Variants in UNC13C observed in about 807,000 individuals in gnomAD.
The protein encoded by UNC13C is protein unc-13 homolog C.
A neutral mutation model predicts 245.4 loss-of-function variants in UNC13C; 174 were observed. The observed-to-expected ratio is 0.71, with a 90% CI of 0.63 to 0.80. UNC13C has a LOEUF of 0.80. UNC13C is among the 30% of genes least tolerant of loss of function. UNC13C has a pLI of 0.00. For synonymous variants in UNC13C, 992 were observed against 895.1 expected (o/e 1.11, Z -1.93); for missense variants, 2,829 against 2,602.9 (o/e 1.09, Z -1.89).
intron 19 of UNC13C, among the ~76,000 whole-genome samples, chr15:54,441,463 G>A (rs1440464762): frequency 6.6e-6 from 1 of 151,844 alleles, no homozygotes; most frequent in African/African-American, 2.4e-5. Flanking sequence ...ACCTTTGGAG[G>A]GAATCAGTAG....
chr15:54,372,249 T>TA (rs1389057835), intron 17 of UNC13C, among the ~76,000 whole-genome samples: 1 of 152,064 alleles, frequency 6.6e-6, no homozygotes, highest in African/African-American at 2.4e-5. Context: ...AGTATAAAAT[T>TA]AAAAAATATA....
At chr15:54,602,720 A>G (rs1317451841) in intron 30 of UNC13C, among the ~76,000 whole-genome samples, 2 of 152,196 alleles carry the variant, frequency 1.3e-5, no homozygotes, top group East Asian at 1.9e-4. Context: ...AAGTTCCTCC[A>G]TACGTCTCAT....
intron 24 of UNC13C, among the ~76,000 whole-genome samples, chr15:54,518,932 C>A (rs1449791566): frequency 2.0e-5 from 3 of 152,094 alleles, no homozygotes; most frequent in Non-Finnish European, 4.4e-5. Context: ...ATAGATGCAA[C>A]ATGTAAGCCC....
chr15:54,075,207 C>A (rs867231685), intron 2 of UNC13C, among the ~76,000 whole-genome samples: 1 of 152,090 alleles, frequency 6.6e-6, no homozygotes. Flanking sequence ...CATCCAAGGC[C>A]GGGCGCGGTG....
chr15:54,599,585 C>T (rs930725530), intron 30 of UNC13C, among the ~76,000 whole-genome samples: 6 of 152,036 alleles, frequency 3.9e-5, no homozygotes, highest in African/African-American at 1.4e-4. Context: ...GGATCTAGGG[C>T]ACTGGAGGAG....
intron 1 of UNC13C, among the ~76,000 whole-genome samples, chr15:53,989,975 C>A (rs540071416): frequency 1.3e-5 from 2 of 152,040 alleles, no homozygotes; most frequent in Admixed American, 1.3e-4. Context: ...CTTCCTGTGA[C>A]CCTGTCCATT....
chr15:54,173,988 T>C (rs2033515476), intron 4 of UNC13C, among the ~76,000 whole-genome samples: 1 of 152,188 alleles, frequency 6.6e-6, no homozygotes, highest in African/African-American at 2.4e-5. Context: ...TATAGGGAAT[T>C]AAATTGATTG....
chr15:54,384,560 G>A (rs1027626582), intron 17 of UNC13C, among the ~76,000 whole-genome samples: 8 of 151,900 alleles, frequency 5.3e-5, no homozygotes, highest in Non-Finnish European at 1.2e-4. Context: ...GAAAACAGAG[G>A]GAAAATTCTT....
chr15:54,622,684 G>A (rs999488248), intron 31 of UNC13C, among the ~76,000 whole-genome samples: 6 of 152,070 alleles, frequency 3.9e-5, no homozygotes, highest in African/African-American at 1.4e-4. Flanking sequence ...TGTGGTTGGT[G>A]CCATGATATT....
intron 19 of UNC13C, among the ~76,000 whole-genome samples, chr15:54,478,820 A>G (rs1221502897): frequency 2.0e-5 from 3 of 150,384 alleles, no homozygotes; most frequent in African/African-American, 4.9e-5. Flanking sequence ...GTAGATGTCT[A>G]TTAGGTCCGC....
At chr15:53,918,715 G>A in the UNC13C span, among the ~76,000 whole-genome samples, 2 of 152,144 alleles carry the variant, frequency 1.3e-5, no homozygotes, top group African/African-American at 4.8e-5. Context: ...TGTTTTCCAA[G>A]GCAAAGACAA....
At chr15:54,409,262 G>A (rs2040369136) in intron 18 of UNC13C, among the ~76,000 whole-genome samples, 1 of 99,914 alleles carries the variant, frequency 1.0e-5, no homozygotes, top group Non-Finnish European at 2.2e-5. Flanking sequence ...TTTTTAACAT[G>A]TTAATAATAT....
At chr15:54,369,972 G>A (rs1451033869) in intron 17 of UNC13C, among the ~76,000 whole-genome samples, 2 of 152,088 alleles carry the variant, frequency 1.3e-5, no homozygotes, top group Non-Finnish European at 2.9e-5. Flanking sequence ...TTTTAAGGGT[G>A]GCGAGAAATA....
chr15:54,305,919 T>C (rs2037713913), intron 13 of UNC13C, among the ~76,000 whole-genome samples: 1 of 152,068 alleles, frequency 6.6e-6, no homozygotes, highest in Non-Finnish European at 1.5e-5. Flanking sequence ...CCCCGGGTAA[T>C]TTCATAATCT....
In UNC13C at chr15:54,573,656, G is replaced by T. The variant is rs188372076; in HGVS notation, c.6106+5709G>T. The stretch of plus-strand genomic sequence containing the variant: ...TATGTATGCAAGTTGCTCTAATATG[G>T]TGCTTCTCAAGTAGGGGTGGTTTTC... On this transcript the variant is annotated intron_variant, in intron 30 of 32. Transcript: ENST00000260323. Among the ~76,000 whole-genome samples, 83 of 152,294 alleles carry T rather than the reference G, an allele frequency of 5.4e-4. 2 individuals are homozygous for T. Among genetic ancestry groups the T allele is most frequent in the African/African-American group, 1.9e-3 (80 of 41,566 alleles).
intron 2 of UNC13C, among the ~76,000 whole-genome samples, chr15:54,102,890 A>G (rs1233891776): frequency 6.6e-6 from 1 of 152,204 alleles, no homozygotes; most frequent in African/African-American, 2.4e-5. Flanking sequence ...TGCTGTTGCC[A>G]TAGTTCTGGT....
In UNC13C at chr15:54,322,000, T is replaced by A. The variant is rs779255404; in HGVS notation, c.4330T>A (p.Leu1444Met). The change falls in exon 14 of 33, where the codon TTG becomes ATG. Residue 1444 changes from leucine (L) to methionine (M), a missense_variant. Leu to Met is a conservative substitution (Grantham distance 15). Transcript: ENST00000260323. ...CPGVPAVMST[L>M]LANINAFYAH... ...CGGTGTCCCTGCCGTCATGAGCACC[T>A]TGCTGGCTAATATAAATGCTTTTTA... is the stretch of plus-strand genomic sequence containing the variant. 1.9e-6 allele frequency: 3 copies of A among 1,589,030 alleles called. No individual in the cohort carries two copies. In the South Asian group the frequency reaches 3.4e-5, roughly 18 times the overall value.
At chr15:54,100,714 C>T (rs554403677) in intron 2 of UNC13C, among the ~76,000 whole-genome samples, 17 of 151,636 alleles carry the variant, frequency 1.1e-4, no homozygotes, top group African/African-American at 3.4e-4. Context: ...CTGTTGAAAC[C>T]AAAAAATTCA....
At chr15:53,938,477 A>C in the UNC13C span, among the ~76,000 whole-genome samples, 42 of 152,320 alleles carry the variant, frequency 2.8e-4, no homozygotes, top group Non-Finnish European at 5.0e-4. Context: ...GAAGATAATC[A>C]GGACCTGAAC....
Sources: allele counts gnomAD v4.1 joint callset (sites outside exome capture counted in the v4.1 genomes callset), GRCh38; gene constraint gnomAD v4.1.1; transcripts MANE v1.5; gene names NCBI Gene and HGNC (gene_info 2026-07-23, HGNC 2026-07-21).